The following TENM3 variants were observed in gnomAD, a reference collection of about 807,000 sequenced individuals.
The protein encoded by TENM3 is teneurin transmembrane protein 3, also known as teneurin-3.
Under a neutral mutation model 255.1 loss-of-function variants are expected in TENM3, and 63 were observed. The observed-to-expected ratio is 0.25, with a 90% CI of 0.20 to 0.30. The LOEUF (loss-of-function observed/expected upper bound fraction) is 0.30. Among genes scored for constraint, TENM3 ranks in the 10% least tolerant of loss-of-function variants. TENM3 has a pLI of 1.00. For missense variants in TENM3, 2,929 were observed against 3,461.1 expected (o/e 0.85, Z 3.86); for synonymous variants, 1,306 against 1,322.3 (o/e 0.99, Z 0.27).
At chr4:181,800,967 C>T in the TENM3 span, among the ~76,000 whole-genome samples, 2 of 152,174 alleles carry the variant, frequency 1.3e-5, no homozygotes. Context: ...TGCAGTATAA[C>T]TGCTGGCAAA....
intron 1 of TENM3, among the ~76,000 whole-genome samples, chr4:182,244,843 A>G (rs553570647): frequency 2.0e-5 from 3 of 152,248 alleles, no homozygotes; most frequent in Non-Finnish European, 4.4e-5. Flanking sequence ...ATAGAGCCTC[A>G]TGCAAATCAA....
rs760039032 is a variant in TENM3, at chr4:182,792,321, C to T, written c.5649C>T (p.Tyr1883=). Residue 1883 remains tyrosine (Y), a synonymous_variant, in exon 26 of 28, where the codon TAC becomes TAT. Transcript: ENST00000511685. The surrounding 1 kb of genome is among the most constrained non-coding windows in gnomAD (Gnocchi z 6.3). ...GCCAGCGGCAGTACATCTTCGAATA[C>T]GATATGTGGGACCGCCTGTCTGCCA... ...LHSQRQYIFE[Y]DMWDRLSAIT... The T allele has an allele frequency of 9.3e-6, 15 of 1,613,996 alleles. No individual in the cohort carries two copies. Among genetic ancestry groups the T allele is most frequent in the African/African-American group, 6.7e-5 (5 of 75,050 alleles).
At chr4:182,299,955 G>T (rs922622760) in intron 1 of TENM3, among the ~76,000 whole-genome samples, 14 of 149,142 alleles carry the variant, frequency 9.4e-5, no homozygotes, top group Non-Finnish European at 1.5e-4. Flanking sequence ...CCACTCTGTC[G>T]CCCAGGCTGG....
rs748510980 is a variant in TENM3 at position 182,800,145 on chromosome 4, G to T, written c.7894G>T (p.Ala2632Ser). 4.3e-5 allele frequency: 63 copies of T among 1,450,342 alleles called. No individual in the cohort carries two copies. The highest frequency in any genetic ancestry group is 9.9e-5 in the South Asian group (7 of 70,936). 89.8% of individuals were successfully genotyped at this position (1,450,342 alleles called of 1,614,324 possible). A position where few individuals can be genotyped will look rare whatever the true frequency, so the allele number is the denominator to read the frequency against. The change falls in exon 28 of 28, where the codon GCC becomes TCC. Residue 2632 changes from alanine (A) to serine (S), a missense_variant. Physicochemically the swap from Ala to Ser is moderately conservative, Grantham distance 99 (BLOSUM62 1). Transcript: ENST00000511685. ...GGCGCGGCAGCGCGCGCTCGCCCGG[G>T]CCTGGGCGCGCGAGCAGCAGCGCGT... ...EQARQRALARAWAREQQRVRD... is the reference protein window; with the variant it reads ...EQARQRALARSWAREQQRVRD...
intron 5 of TENM3, among the ~76,000 whole-genome samples, chr4:182,638,085 T>C (rs1376303020): frequency 6.6e-6 from 1 of 151,942 alleles, no homozygotes; most frequent in Non-Finnish European, 1.5e-5. Context: ...TAGAGCCCAG[T>C]GTTCCAGTTA....
chr4:181,945,172 C>T, the TENM3 span, among the ~76,000 whole-genome samples: 1 of 151,954 alleles, frequency 6.6e-6, no homozygotes. Context: ...CAATGTAGGG[C>T]TTTGGAAAGA....
At chr4:182,004,782 T>C in the TENM3 span, among the ~76,000 whole-genome samples, 1 of 152,200 alleles carries the variant, frequency 6.6e-6, no homozygotes, top group Admixed American at 6.5e-5. Flanking sequence ...TGGCGTGAGA[T>C]GGTATCTCAT....
the TENM3 span, among the ~76,000 whole-genome samples, chr4:181,501,365 C>CT: frequency 6.6e-6 from 1 of 151,294 alleles, no homozygotes; most frequent in Non-Finnish European, 1.5e-5. Context: ...GGGTTTTTTT[C>CT]TTTTTTCTTT....
the TENM3 span, among the ~76,000 whole-genome samples, chr4:181,634,542 A>T: frequency 6.6e-5 from 10 of 152,122 alleles, no homozygotes; most frequent in Admixed American, 3.3e-4. Context: ...CTAGTACCAT[A>T]TGCCTCAAGT....
intron 3 of TENM3, among the ~76,000 whole-genome samples, chr4:182,409,647 A>C (rs999689256): frequency 1.3e-5 from 2 of 152,176 alleles, no homozygotes; most frequent in African/African-American, 2.4e-5. Flanking sequence ...TGTCAAATAG[A>C]TATTAGCTAG....
chr4:182,448,866 G>C (rs1773175570), intron 3 of TENM3: 1 of 193,342 alleles, frequency 5.2e-6, no homozygotes, highest in African/African-American at 2.4e-5. Flanking sequence ...GGGGCTGGCG[G>C]GAGGCGGCGG....
intron 1 of TENM3, among the ~76,000 whole-genome samples, chr4:182,278,985 CAA>C (rs1410115009): frequency 2.0e-5 from 3 of 152,210 alleles, no homozygotes; most frequent in African/African-American, 7.2e-5. Context: ...CGCTTGAAGA[CAA>C]GAGAAGGGAT....
intron 3 of TENM3, among the ~76,000 whole-genome samples, chr4:182,387,542 C>T (rs1418758447): frequency 6.6e-6 from 1 of 152,124 alleles, no homozygotes; most frequent in Non-Finnish European, 1.5e-5. Flanking sequence ...GGGTCCCCTT[C>T]CACACTAAAT....
At chr4:181,617,917 A>G in the TENM3 span, among the ~76,000 whole-genome samples, 1 of 152,196 alleles carries the variant, frequency 6.6e-6, no homozygotes, top group African/African-American at 2.4e-5. Flanking sequence ...CAAGGATTGC[A>G]TGTTTCTGCA....
Position 182,434,568 on chromosome 4 carries a change from C to G in TENM3, c.511+87639C>G, listed in dbSNP as rs1771905112. On this transcript the variant is annotated intron_variant, in intron 3 of 27. Coordinates refer to ENST00000511685, the MANE Select transcript of TENM3 (RefSeq NM_001080477.4). The stretch of plus-strand genomic sequence containing the variant: ...GTCTCAGCTACTCGGGAGTCTGAGG[C>G]AGGAGAATCACTTGAACCCAGGAGG... Among the ~76,000 whole-genome samples the G allele has an allele frequency of 2.6e-5, 4 of 151,060 alleles. No homozygotes were observed. The South Asian group carries it at 8.3e-4, about 31-fold the overall frequency.
chr4:182,775,956 T>TGATA (rs60739992), intron 24 of TENM3, among the ~76,000 whole-genome samples: 15,948 of 151,088 alleles, frequency 0.11, 1,196 homozygotes, highest in South Asian at 0.23. Context: ...GATATGTAGA[T>TGATA]GATAGATAGA....
At chr4:181,462,130 C>A in the TENM3 span, among the ~76,000 whole-genome samples, 1 of 152,146 alleles carries the variant, frequency 6.6e-6, no homozygotes, top group Non-Finnish European at 1.5e-5. Flanking sequence ...AAAGTGATAT[C>A]CCATTTGAGA....
At chr4:181,538,813 C>T in the TENM3 span, among the ~76,000 whole-genome samples, 1 of 152,164 alleles carries the variant, frequency 6.6e-6, no homozygotes, top group African/African-American at 2.4e-5. Flanking sequence ...CATTTGCCTT[C>T]TTGATTCTTG....
chr4:181,673,355 G>A, the TENM3 span, among the ~76,000 whole-genome samples: 41 of 152,174 alleles, frequency 2.7e-4, no homozygotes, highest in African/African-American at 9.4e-4. Flanking sequence ...ATCTGTCTCA[G>A]AATATACGTT....
Sources: gnomAD v4.1 joint callset for allele counts (sites outside exome capture counted in the v4.1 genomes callset) on GRCh38, gnomAD v4.1.1 for gene constraint, Gnocchi (gnomAD v3.1) non-coding constraint, MANE v1.5 for transcripts, NCBI Gene and HGNC (gene_info 2026-07-23, HGNC 2026-07-21) for gene names.